NT5DC4: variants seen among roughly 807,000 people sequenced by gnomAD.
NT5DC4 encodes 5'-nucleotidase domain containing 4.
Under a neutral mutation model 26.6 loss-of-function variants are expected in NT5DC4, and 44 were observed. That is an observed-to-expected ratio of 1.65 (90% CI 1.30 to 2.13). The LOEUF (loss-of-function observed/expected upper bound fraction) is 2.13. NT5DC4 is among the 30% of genes most tolerant of loss of function. The pLI, the probability that NT5DC4 is intolerant of heterozygous loss-of-function variation, is 0.00. For synonymous variants in NT5DC4, 157 were observed against 86.7 expected, an observed-to-expected ratio of 1.81 and a Z score of -4.51; for missense variants, 399 against 228.1, an observed-to-expected ratio of 1.75 and a Z score of -4.83.
upstream of NT5DC4, among the ~76,000 whole-genome samples, chr2:112,719,277 C>A (rs1188181770): frequency 6.6e-6 from 1 of 152,232 alleles, no homozygotes; most frequent in African/African-American, 2.4e-5. Context: ...GTGGCATACG[C>A]AGTCCACTGT....
chr2:112,736,012 T>C (rs904451574), intron 16 of NT5DC4, among the ~76,000 whole-genome samples: 1 of 152,006 alleles, frequency 6.6e-6, no homozygotes, highest in African/African-American at 2.4e-5. Flanking sequence ...AGGAAAGACA[T>C]AAAACCACCA....
At chr2:112,731,917 CT>C (rs749249208) in intron 16 of NT5DC4, among the ~76,000 whole-genome samples, 1,836 of 108,610 alleles carry the variant, frequency 0.017, 7 homozygotes, top group East Asian at 0.051. Flanking sequence ...AGAGAGTTTA[CT>C]TTTTTTTTTT....
downstream of NT5DC4, chr2:112,742,813 T>C (rs369673441): frequency 5.4e-5 from 78 of 1,435,880 alleles, no homozygotes; most frequent in African/African-American, 1.1e-3. Flanking sequence ...AAAACATTCA[T>C]GCAAAAAATT....
At chr2:112,742,332 A>T, downstream of NT5DC4, 1 of 713,626 alleles carries the variant, frequency 1.4e-6, no homozygotes, top group Non-Finnish European at 2.6e-6. Context: ...TTTAAAGCGT[A>T]ACACAAATTT....
chr2:112,739,009 G>T lies in NT5DC4; in HGVS notation c.*73G>T. The T allele has an allele frequency of 6.2e-7, 1 of 1,614,084 alleles. No individual in the cohort carries two copies. Among genetic ancestry groups the T allele is most frequent in the East Asian group, 2.2e-5 (1 of 44,892 alleles). ...TCCTCGACGAACGCCGTACAGGAGTGATAAATTTCATGTCTTGCACTTCCG... is the reference window on the plus strand; with the variant it reads ...TCCTCGACGAACGCCGTACAGGAGTTATAAATTTCATGTCTTGCACTTCCG... On this transcript the variant is annotated 3_prime_UTR_variant, in exon 17 of 17. Coordinates refer to ENST00000688554, the MANE Select transcript of NT5DC4 (RefSeq NM_001393655.1).
At chr2:112,719,840 T>TTCCCTCCCTCTCTCCC (rs1676657620), upstream of NT5DC4, among the ~76,000 whole-genome samples, 1 of 78,334 alleles carries the variant, frequency 1.3e-5, no homozygotes, top group Non-Finnish European at 2.8e-5. Flanking sequence ...CCTTCCTTCC[T>TTCCCTCCCTCTCTCCC]TCCCTCCCTC....
chr2:112,738,734 C>T, intron 16 of NT5DC4, 179 bp from the exon 17 acceptor site: 1 of 823,710 alleles, frequency 1.2e-6, no homozygotes, highest in East Asian at 2.6e-5. Flanking sequence ...ATCCATGATG[C>T]CTCTCTTTTT....
chr2:112,719,125 C>T (rs1676613175), upstream of NT5DC4, among the ~76,000 whole-genome samples: 1 of 152,238 alleles, frequency 6.6e-6, no homozygotes, highest in African/African-American at 2.4e-5. Flanking sequence ...GTACAGCCTA[C>T]TACACACCTC....
At chr2:112,719,037 A>T (rs973573057), upstream of NT5DC4, among the ~76,000 whole-genome samples, 8 of 152,188 alleles carry the variant, frequency 5.3e-5, no homozygotes, top group Non-Finnish European at 1.2e-4. Flanking sequence ...GACCACAGGG[A>T]TCTGTTCTGA....
chr2:112,738,855 C>T, intron 16 of NT5DC4, 58 bp from the exon 17 acceptor site: 1 of 1,613,106 alleles, frequency 6.2e-7, no homozygotes, highest in Non-Finnish European at 8.5e-7. Flanking sequence ...CCCAATGTTA[C>T]AGGCAGCGCC....
At chr2:112,731,628 C>T (rs1047807207) in intron 16 of NT5DC4, 2 of 152,088 alleles carry the variant, frequency 1.3e-5, no homozygotes, top group African/African-American at 2.4e-5. Context: ...ACTTGACTCT[C>T]GAATGTGTTA....
rs148497210 is a variant in NT5DC4 at position 112,735,139 on chromosome 2, G to T, written c.1345-3774G>T. On this transcript the variant is annotated intron_variant, in intron 16 of 16. Transcript: ENST00000688554. Reference sequence around the variant, plus strand: ...GCTCACTGCAACCTCTGCCTCCCAGGTTCAAGCAGTTCTCCTGCCTCAGCC... The same window carrying T: ...GCTCACTGCAACCTCTGCCTCCCAGTTTCAAGCAGTTCTCCTGCCTCAGCC... Among the ~76,000 whole-genome samples the T allele has an allele frequency of 5.9e-3, 862 of 145,772 alleles. 8 individuals carry two copies. The highest frequency in any genetic ancestry group is 0.01 in the Admixed American group (141 of 13,640).
downstream of NT5DC4, among the ~76,000 whole-genome samples, chr2:112,739,961 A>G (rs1457571282): frequency 6.8e-6 from 1 of 146,438 alleles, no homozygotes; most frequent in African/African-American, 2.5e-5. Flanking sequence ...CAGCCTTTTC[A>G]TTTTTTTTTT....
chr2:112,728,436 T>C (rs1201394563), intron 15 of NT5DC4, among the ~76,000 whole-genome samples: 3 of 152,170 alleles, frequency 2.0e-5, no homozygotes, highest in African/African-American at 7.2e-5. Flanking sequence ...GTGGCTACGA[T>C]GGCACTGGGC....
Position 112,722,706 on chromosome 2 carries a change from G to T in NT5DC4, c.470-8G>T, listed in dbSNP as rs770659194. Reference sequence around the variant, plus strand: ...GGGCTGACAACTGACCATCCTGTCTGCCCCCAGAAACCTACCTCTATGCCT... The same window carrying T: ...GGGCTGACAACTGACCATCCTGTCTTCCCCCAGAAACCTACCTCTATGCCT... On this transcript the variant is annotated splice_polypyrimidine_tract_variant and splice_region_variant and intron_variant, in intron 5 of 16. Transcript: ENST00000688554. 1 of 717,632 alleles carries T rather than the reference G, an allele frequency of 1.4e-6. No individual in the cohort carries two copies. The highest frequency in any genetic ancestry group is 1.5e-5 in the South Asian group (1 of 67,602). The allele number at this position is 717,632 out of a possible 1,614,324, so 44.5% of individuals were successfully genotyped here. A position where few individuals can be genotyped will look rare whatever the true frequency, so the allele number is the denominator to read the frequency against.
intron 15 of NT5DC4, 21 bp downstream of exon 15, chr2:112,726,759 G>A: frequency 1.4e-6 from 1 of 717,480 alleles, no homozygotes. Flanking sequence ...GGTGGCGAGG[G>A]AAGGGACAGG....
chr2:112,729,635 T>C lies in NT5DC4; in HGVS notation c.1275T>C (p.His425=), dbSNP rs756415659. The C allele has an allele frequency of 2.2e-5, 16 of 717,504 alleles. No individual in the cohort carries two copies. In the South Asian group the frequency reaches 2.4e-4, roughly 11 times the overall value. The allele number at this position is 717,504 out of a possible 1,614,324, so 44.4% of individuals were successfully genotyped here. The change falls in exon 16 of 17, where the codon CAT becomes CAC. Residue 425 remains histidine, a synonymous_variant. Coordinates refer to ENST00000688554, the MANE Select transcript of NT5DC4 (RefSeq NM_001393655.1). ...TGCATTTATCCCTACAGATGCCACA[T>C]GAGTCAGTTGTGGAGCAAGAACAGG... ...NFTKREIQMP[H]ESVVEQEQAN...
At chr2:112,738,769 T>G in intron 16 of NT5DC4, 144 bp from the exon 17 acceptor site, 1 of 1,209,054 alleles carries the variant, frequency 8.3e-7, no homozygotes, top group South Asian at 1.2e-5. Flanking sequence ...GACAAGAATA[T>G]TTCTTGTCTT....
intron 16 of NT5DC4, among the ~76,000 whole-genome samples, 157 bp downstream of exon 16, chr2:112,729,861 T>C (rs1678270145): frequency 6.6e-6 from 1 of 152,202 alleles, no homozygotes; most frequent in Admixed American, 6.5e-5. Flanking sequence ...TCCTCATTAT[T>C]TATGTAAAAA....
Sources: allele counts gnomAD v4.1 joint callset (sites outside exome capture counted in the v4.1 genomes callset), GRCh38; gene constraint gnomAD v4.1.1; transcripts MANE v1.5; gene names NCBI Gene and HGNC (gene_info 2026-07-23, HGNC 2026-07-21).